MOBP: variants seen among roughly 807,000 people sequenced by gnomAD.
MOBP encodes the protein myelin-associated oligodendrocyte basic protein.
In MOBP, 5 loss-of-function variants were observed where a neutral mutation model predicts 15.0. That is an observed-to-expected ratio of 0.33 (90% CI 0.17 to 0.70). The LOEUF (loss-of-function observed/expected upper bound fraction) is 0.70. Among genes scored for constraint, MOBP ranks in the 30% least tolerant of loss-of-function variants. The pLI is 0.67. For missense variants in MOBP, 188 were observed against 257.8 expected (o/e 0.73, Z 1.85); for synonymous variants, 88 against 99.0 (o/e 0.89, Z 0.66).
chr3:39,499,525 G>A (rs2042939581), intron 2 of MOBP: 1 of 152,694 alleles, frequency 6.5e-6, no homozygotes, highest in South Asian at 2.1e-4. Context: ...TCCTCGCTGA[G>A]TTCACAGGTA....
intron 1 of MOBP, among the ~76,000 whole-genome samples, chr3:39,471,923 C>T (rs2125621969): frequency 6.6e-6 from 1 of 152,342 alleles, no homozygotes; most frequent in South Asian, 2.1e-4. Flanking sequence ...TTTCTCCACA[C>T]AATGTTTGCA....
intron 2 of MOBP, among the ~76,000 whole-genome samples, chr3:39,498,714 A>C (rs1173187020): frequency 1.3e-5 from 2 of 152,186 alleles, no homozygotes; most frequent in African/African-American, 2.4e-5. Flanking sequence ...AGGGAAGAGA[A>C]TTACTTTTTC....
At chr3:39,470,178 G>A (rs1056359820) in intron 1 of MOBP, among the ~76,000 whole-genome samples, 5 of 152,174 alleles carry the variant, frequency 3.3e-5, no homozygotes, top group African/African-American at 4.8e-5. Context: ...GCGGACCTCT[G>A]GCAACGCTGC....
Position 39,502,655 on chromosome 3 carries a change from C to G in MOBP, c.327C>G (p.Ser109=), listed in dbSNP as rs1201056793. 1 of 1,534,978 alleles carries G rather than the reference C, an allele frequency of 6.5e-7. No homozygotes were observed. Among genetic ancestry groups the G allele is most frequent in the East Asian group, 2.4e-5 (1 of 40,900 alleles). The change falls in exon 4 of 4, where the codon TCC becomes TCG. Residue 109 remains serine (S), a synonymous_variant. Coordinates refer to ENST00000684792, the MANE Select transcript of MOBP (RefSeq NM_001393704.1). The surrounding 1 kb of genome is among the most constrained non-coding windows in gnomAD (Gnocchi z 6.3). Reference sequence around the variant, plus strand: ...CGAGGTCTGAGCGTCAGCCACGGTCCCCTCCGAGGTCTGAGCGTCAGCCAC... The same window carrying G: ...CGAGGTCTGAGCGTCAGCCACGGTCGCCTCCGAGGTCTGAGCGTCAGCCAC... ...SPPRSERQPR[S]PPRSERQPRS...
chr3:39,480,274 C>T (rs2042609202), intron 2 of MOBP, among the ~76,000 whole-genome samples, 151 bp downstream of exon 2: 1 of 152,076 alleles, frequency 6.6e-6, no homozygotes, highest in Non-Finnish European at 1.5e-5. Context: ...TTTAGTATGT[C>T]CACATGGCTC....
chr3:39,525,886 A>G (rs150326586), downstream of MOBP: 1,447 of 152,420 alleles, frequency 9.5e-3, 10 homozygotes, highest in Non-Finnish European at 0.013. Flanking sequence ...AGGCAGGGAA[A>G]TTTGACTGCA....
At chr3:39,485,649 T>C (rs1314180310) in intron 2 of MOBP, among the ~76,000 whole-genome samples, 1 of 152,232 alleles carries the variant, frequency 6.6e-6, no homozygotes, top group Non-Finnish European at 1.5e-5. Flanking sequence ...TCATGGGTTC[T>C]TTCTGACAGC....
intron 2 of MOBP, among the ~76,000 whole-genome samples, chr3:39,494,056 G>C (rs918988767): frequency 6.6e-6 from 1 of 152,134 alleles, no homozygotes. Flanking sequence ...GTCACATGGG[G>C]GAATTATATA....
At chr3:39,513,452 C>A (rs2043147837) in exon 5 of MOBP, 1 of 1,610,256 alleles carries the variant, frequency 6.2e-7, no homozygotes. Context: ...GAATGAACAA[C>A]CTCGGCTCCT....
chr3:39,475,595 T>C (rs578158398), intron 1 of MOBP, among the ~76,000 whole-genome samples: 4 of 152,218 alleles, frequency 2.6e-5, no homozygotes, highest in Non-Finnish European at 5.9e-5. Flanking sequence ...ATTTATTTAT[T>C]TATTCAGTTA....
intron 1 of MOBP, among the ~76,000 whole-genome samples, chr3:39,478,517 T>C (rs1000502131): frequency 3.3e-5 from 5 of 152,150 alleles, no homozygotes; most frequent in African/African-American, 4.8e-5. Context: ...TGTCTGTTAT[T>C]CTCCCCTCCA....
At chr3:39,511,600 G>A (rs2043120248) in intron 4 of MOBP, among the ~76,000 whole-genome samples, 1 of 152,210 alleles carries the variant, frequency 6.6e-6, no homozygotes, top group South Asian at 2.1e-4. Context: ...TTCTTGCTGA[G>A]CAGATGGTCG....
chr3:39,513,528 G>A, exon 5 of MOBP: 1 of 1,154,924 alleles, frequency 8.7e-7, no homozygotes, highest in Non-Finnish European at 1.3e-6. Flanking sequence ...ATTATGCAGG[G>A]GCAAACACCT....
intron 1 of MOBP, among the ~76,000 whole-genome samples, chr3:39,479,355 C>A (rs1258711629): frequency 6.7e-6 from 1 of 149,690 alleles, no homozygotes; most frequent in East Asian, 1.9e-4. Flanking sequence ...CTTTTGGAAG[C>A]TATTTTTGTG....
intron 2 of MOBP, among the ~76,000 whole-genome samples, chr3:39,480,403 A>C (rs1392728468): frequency 2.0e-5 from 3 of 152,200 alleles, no homozygotes; most frequent in South Asian, 2.1e-4. Flanking sequence ...TGCACAGCGG[A>C]ACAGCCATTC....
chr3:39,507,707 A>T (rs548562645), downstream of MOBP, among the ~76,000 whole-genome samples: 57 of 152,282 alleles, frequency 3.7e-4, no homozygotes, highest in African/African-American at 1.3e-3. Context: ...TCCTTCTCCA[A>T]TGAAAGGAAA....
chr3:39,509,979 G>T (rs2043099053), intron 4 of MOBP, among the ~76,000 whole-genome samples: 1 of 152,016 alleles, frequency 6.6e-6, no homozygotes, highest in Non-Finnish European at 1.5e-5. Context: ...TCCATTTTAA[G>T]TTAATTTTTT....
chr3:39,475,840 G>A lies in MOBP; in HGVS notation c.-88-4200G>A, dbSNP rs140033360. On this transcript the variant is annotated intron_variant, in intron 1 of 3. Coordinates refer to ENST00000684792, the MANE Select transcript of MOBP (RefSeq NM_001393704.1). ...GTCTCAAATCAATCACCTCTTTAAT[G>A]AGCCATGGTTCCTTTTATTGGACAC... 4.2e-3 allele frequency among the ~76,000 whole-genome samples: 633 copies of A among 152,118 alleles called. 3 individuals are homozygous for A. The highest frequency in any genetic ancestry group is 6.8e-3 in the Non-Finnish European group (460 of 68,008).
intron 2 of MOBP, among the ~76,000 whole-genome samples, chr3:39,495,750 C>CAAAAAAAAAAAAAAAAAAAAAA (rs1179926622): frequency 1.7e-5 from 1 of 60,190 alleles, no homozygotes; most frequent in African/African-American, 6.0e-5. Context: ...GAGACCTTGT[C>CAAAAAAAAAAAAAAAAAAAAAA]AAAAAAAAAA....
Sources: allele counts gnomAD v4.1 joint callset (sites outside exome capture counted in the v4.1 genomes callset), GRCh38; gene constraint gnomAD v4.1.1; non-coding constraint Gnocchi (gnomAD v3.1); transcripts MANE v1.5; gene names NCBI Gene and HGNC (gene_info 2026-07-23, HGNC 2026-07-21).